Variants in CPVL observed in about 807,000 individuals in gnomAD.
CPVL encodes the protein probable serine carboxypeptidase CPVL.
In CPVL, 51 loss-of-function variants were observed where a neutral mutation model predicts 63.7. The observed-to-expected ratio is 0.80, with a 90% CI of 0.64 to 1.01. CPVL has a LOEUF of 1.01. CPVL is among the 50% of genes least tolerant of loss of function. The probability of loss-of-function intolerance (pLI) is 0.00; values close to 1 mark genes in which losing one functional copy is unlikely to be tolerated. For synonymous variants in CPVL, 195 were observed against 206.0 expected, an observed-to-expected ratio of 0.95 and a Z score of 0.46; for missense variants, 530 against 573.1, an observed-to-expected ratio of 0.92 and a Z score of 0.77.
chr7:29,093,377 CAAAAAAAAAA>C (rs371165878), intron 5 of CPVL, among the ~76,000 whole-genome samples: 2 of 70,014 alleles, frequency 2.9e-5, no homozygotes, highest in East Asian at 3.9e-4. Context: ...ACTCCGTCTC[CAAAAAAAAAA>C]AAAAAAAAAA....
chr7:29,002,792 ACAC>A (rs1318128699), intron 12 of CPVL, among the ~76,000 whole-genome samples: 3 of 151,802 alleles, frequency 2.0e-5, no homozygotes, highest in African/African-American at 7.3e-5. Flanking sequence ...TGCAGAAGAA[ACAC>A]TATATGAACT....
chr7:29,114,778 CTATG>C (rs1788611200), intron 2 of CPVL, among the ~76,000 whole-genome samples: 1 of 152,208 alleles, frequency 6.6e-6, no homozygotes, highest in African/African-American at 2.4e-5. Context: ...AGTTTCTCCT[CTATG>C]GAAGATGTAC....
Position 29,146,382 on chromosome 7 carries a change from C to A in CPVL, c.-11+47G>T, listed in dbSNP as rs992284971. Reference sequence around the variant, plus strand: ...AAGTCCGAGGGACCGAGGCGAGGACCTGTCCCGCTGAGCTGGCACGACCCA... The same window carrying A: ...AAGTCCGAGGGACCGAGGCGAGGACATGTCCCGCTGAGCTGGCACGACCCA... On this transcript the variant is annotated intron_variant, in intron 1 of 12. Coordinates refer to ENST00000265394, the MANE Select transcript of CPVL (RefSeq NM_031311.5). 4.2e-6 allele frequency: 3 copies of A among 715,026 alleles called. No homozygotes were observed. The African/African-American group carries it at 5.4e-5, about 13-fold the overall frequency. 44.3% of individuals were successfully genotyped at this position (715,026 alleles called of 1,614,324 possible).
At chr7:29,144,625 G>A (rs2128674817) in intron 1 of CPVL, among the ~76,000 whole-genome samples, 1 of 152,222 alleles carries the variant, frequency 6.6e-6, no homozygotes, top group African/African-American at 2.4e-5. Flanking sequence ...GATATCTGAT[G>A]ATACCTGGGG....
At chr7:29,039,712 C>CT (rs1788885456) in intron 11 of CPVL, among the ~76,000 whole-genome samples, 1 of 151,866 alleles carries the variant, frequency 6.6e-6, no homozygotes, top group East Asian at 1.9e-4. Flanking sequence ...AAACTTTTCT[C>CT]TTTATTCCCT....
chr7:29,063,959 TA>T, intron 11 of CPVL, 101 bp downstream of exon 11: 1 of 748,662 alleles, frequency 1.3e-6, no homozygotes, highest in Non-Finnish European at 2.2e-6. Context: ...TGACACATCA[TA>T]AAAGTTAAAA....
chr7:29,181,567 T>C (rs1008830115), intron 4 of CPVL, among the ~76,000 whole-genome samples: 1 of 152,220 alleles, frequency 6.6e-6, no homozygotes, highest in African/African-American at 2.4e-5. Flanking sequence ...AAAGGAATTT[T>C]ATATTGCCAT....
intron 9 of CPVL, among the ~76,000 whole-genome samples, chr7:29,070,820 A>G (rs1783658770): frequency 5.9e-5 from 9 of 152,230 alleles, no homozygotes; most frequent in Admixed American, 5.9e-4. Flanking sequence ...ATAACTTTGT[A>G]TTATCCTCTA....
At chr7:29,019,811 C>G (rs1305224519) in intron 12 of CPVL, among the ~76,000 whole-genome samples, 2 of 152,210 alleles carry the variant, frequency 1.3e-5, no homozygotes, top group Non-Finnish European at 2.9e-5. Context: ...CAAACCACCC[C>G]AAACCAACGC....
At chr7:29,152,150 A>T (rs528573621) in intron 5 of CPVL, among the ~76,000 whole-genome samples, 94 of 152,362 alleles carry the variant, frequency 6.2e-4, no homozygotes, top group South Asian at 2.1e-3. Context: ...TTCAAGAACT[A>T]GGTCACATCA....
At chr7:29,136,477 T>C (rs901053275) in intron 1 of CPVL, among the ~76,000 whole-genome samples, 1 of 152,138 alleles carries the variant, frequency 6.6e-6, no homozygotes, top group Non-Finnish European at 1.5e-5. Context: ...GGAGGTAAGG[T>C]ATGTAAAAGT....
intron 7 of CPVL, chr7:29,081,223 A>G (rs1257890003): frequency 6.6e-6 from 1 of 152,276 alleles, no homozygotes; most frequent in Non-Finnish European, 1.5e-5. Context: ...CTCAGAAAGG[A>G]TAACACTTAT....
intron 11 of CPVL, among the ~76,000 whole-genome samples, chr7:29,037,391 C>CA (rs781394806): frequency 0.011 from 1,545 of 141,302 alleles, 7 homozygotes; most frequent in Non-Finnish European, 0.016. Context: ...AAAATAAATA[C>CA]AAAAAAAAAA....
intron 2 of CPVL, 69 bp downstream of exon 2, chr7:29,120,818 CAAAAAA>C (rs375039373): frequency 4.2e-4 from 411 of 989,260 alleles, no homozygotes; most frequent in East Asian, 5.9e-4. Context: ...GACTTCGTCT[CAAAAAA>C]AAAAAAAAAA....
intron 1 of CPVL, among the ~76,000 whole-genome samples, chr7:29,189,629 A>T (rs1180574092): frequency 6.6e-6 from 1 of 152,128 alleles, no homozygotes; most frequent in Non-Finnish European, 1.5e-5. Flanking sequence ...TGAGTTTCTG[A>T]ATGCTATCCT....
intron 1 of CPVL, among the ~76,000 whole-genome samples, chr7:29,188,546 A>G (rs1195959090): frequency 2.0e-5 from 3 of 152,212 alleles, no homozygotes; most frequent in East Asian, 1.9e-4. Context: ...TTTTTTAAAA[A>G]AAAGAGGATT....
At chr7:29,022,515 T>C (rs1017221966) in intron 12 of CPVL, among the ~76,000 whole-genome samples, 8 of 152,182 alleles carry the variant, frequency 5.3e-5, no homozygotes, top group African/African-American at 1.9e-4. Context: ...AGCATAGGCC[T>C]GCCTCTGCAC....
intron 11 of CPVL, among the ~76,000 whole-genome samples, chr7:29,056,838 G>C (rs660500): frequency 6.6e-6 from 1 of 152,124 alleles, no homozygotes; most frequent in South Asian, 2.1e-4. Context: ...TAAGCATTTA[G>C]TGTTGTCAGT....
intron 3 of CPVL, among the ~76,000 whole-genome samples, chr7:29,101,551 C>T (rs889693429): frequency 8.5e-5 from 13 of 152,138 alleles, no homozygotes; most frequent in African/African-American, 3.1e-4. Flanking sequence ...GCCAAAATAG[C>T]GCCACTGCAC....
Sources: allele counts gnomAD v4.1 joint callset (sites outside exome capture counted in the v4.1 genomes callset), GRCh38; gene constraint gnomAD v4.1.1; transcripts MANE v1.5; gene names NCBI Gene and HGNC (gene_info 2026-07-23, HGNC 2026-07-21).